SEMA3E: variants seen among roughly 807,000 people sequenced by gnomAD.
SEMA3E encodes the protein semaphorin-3E.
SEMA3E carries 49 observed loss-of-function variants against 93.6 expected under a neutral mutation model. That is an observed-to-expected ratio of 0.52 (90% CI 0.42 to 0.66). The LOEUF is 0.66. Among genes scored for constraint, SEMA3E ranks in the 30% least tolerant of loss-of-function variants. The pLI is 0.00. For missense variants in SEMA3E, 906 were observed against 964.8 expected (o/e 0.94, Z 0.81); for synonymous variants, 363 against 330.7 (o/e 1.10, Z -1.06).
chr7:83,577,633 A>G (rs1403483908), intron 1 of SEMA3E, among the ~76,000 whole-genome samples: 1 of 152,174 alleles, frequency 6.6e-6, no homozygotes, highest in African/African-American at 2.4e-5. Context: ...ACTGGATGCA[A>G]TTGATATTGA....
intron 2 of SEMA3E, among the ~76,000 whole-genome samples, chr7:83,484,486 G>A (rs548642238): frequency 2.6e-5 from 4 of 152,134 alleles, no homozygotes; most frequent in Non-Finnish European, 5.9e-5. Flanking sequence ...CAATGACCTC[G>A]TCCTTCAAAT....
chr7:83,542,016 T>G (rs569342461), intron 1 of SEMA3E, among the ~76,000 whole-genome samples: 1 of 152,150 alleles, frequency 6.6e-6, no homozygotes, highest in African/African-American at 2.4e-5. Flanking sequence ...AGGATTTAGC[T>G]CTTGAATACT....
At chr7:83,526,468 A>G (rs916812443) in intron 1 of SEMA3E, among the ~76,000 whole-genome samples, 1 of 152,128 alleles carries the variant, frequency 6.6e-6, no homozygotes, top group Non-Finnish European at 1.5e-5. Context: ...TGGGGTTCCA[A>G]CTGCTTATTA....
At position 83,385,353 on chromosome 7, in the gene SEMA3E, A is replaced by T. The variant is rs1436886948; in HGVS notation, c.1816T>A (p.Ser606Thr). ...NSTLLECTPR[S>T]LQAKVIWFVQ... ...AACCAGATAACTTTCGCTTGTAAAG[A>T]TCGTGGGGTACATTCCAGCAAAGTA... Residue 606 changes from serine (S) to threonine (T), a missense_variant, in exon 16 of 17, where the codon TCT (serine) becomes ACT (threonine). Ser to Thr is a moderately conservative substitution (Grantham distance 58). Coordinates refer to ENST00000643230, the MANE Select transcript of SEMA3E (RefSeq NM_012431.3). 1.2e-6 allele frequency: 2 copies of T among 1,613,538 alleles called. No homozygotes were observed. The highest frequency in any genetic ancestry group is 4.5e-5 in the East Asian group (2 of 44,834).
chr7:83,445,344 A>G (rs1789203714), intron 4 of SEMA3E, among the ~76,000 whole-genome samples: 1 of 151,982 alleles, frequency 6.6e-6, no homozygotes. Context: ...ACATTTTTAT[A>G]TTCTGGAAGG....
intron 1 of SEMA3E, among the ~76,000 whole-genome samples, chr7:83,590,587 A>G (rs1457405844): frequency 6.6e-6 from 1 of 152,154 alleles, no homozygotes; most frequent in African/African-American, 2.4e-5. Context: ...TTTGCTGGAC[A>G]TATGTGATGT....
At chr7:83,553,347 T>A (rs1791809075) in intron 1 of SEMA3E, among the ~76,000 whole-genome samples, 1 of 152,120 alleles carries the variant, frequency 6.6e-6, no homozygotes, top group South Asian at 2.1e-4. Flanking sequence ...ACAATTTTAG[T>A]CTCTTTCCTC....
At chr7:83,526,613 G>A (rs974522333) in intron 1 of SEMA3E, among the ~76,000 whole-genome samples, 7 of 151,996 alleles carry the variant, frequency 4.6e-5, no homozygotes, top group African/African-American at 1.7e-4. Context: ...GTGCCTTTGT[G>A]GGATTAAGAT....
intron 1 of SEMA3E, among the ~76,000 whole-genome samples, chr7:83,560,143 T>C (rs780849744): frequency 1.4e-4 from 21 of 152,138 alleles, no homozygotes; most frequent in Middle Eastern, 6.8e-3. Context: ...ACACAATGGA[T>C]ATATGTCATC....
At chr7:83,524,626 AAAAGTTATACATG>A (rs1411624176) in intron 1 of SEMA3E, among the ~76,000 whole-genome samples, 2 of 152,166 alleles carry the variant, frequency 1.3e-5, no homozygotes, top group Non-Finnish European at 2.9e-5. Context: ...ATCCCTGAAA[AAAAGTTATACATG>A]ATATAAATAT....
chr7:83,399,535 G>A (rs1027066792), intron 11 of SEMA3E, among the ~76,000 whole-genome samples: 7 of 152,128 alleles, frequency 4.6e-5, no homozygotes, highest in African/African-American at 9.7e-5. Context: ...TCCAGGACTC[G>A]CTGAGCAAAG....
At chr7:83,438,179 T>A (rs1789042410) in intron 4 of SEMA3E, among the ~76,000 whole-genome samples, 1 of 152,164 alleles carries the variant, frequency 6.6e-6, no homozygotes, top group Non-Finnish European at 1.5e-5. Context: ...AAATCACCTG[T>A]GTTTTATTTT....
At chr7:83,610,299 TG>T (rs1193694210) in intron 1 of SEMA3E, among the ~76,000 whole-genome samples, 1 of 152,114 alleles carries the variant, frequency 6.6e-6, no homozygotes, top group African/African-American at 2.4e-5. Flanking sequence ...ACTTTGAATG[TG>T]TGTGCATACT....
At chr7:83,507,732 G>A (rs1790734090) in intron 1 of SEMA3E, among the ~76,000 whole-genome samples, 1 of 151,670 alleles carries the variant, frequency 6.6e-6, no homozygotes, top group African/African-American at 2.4e-5. Flanking sequence ...GAGCCCAGGA[G>A]TTCCAGACCA....
intron 4 of SEMA3E, among the ~76,000 whole-genome samples, chr7:83,420,382 A>C (rs1788649327): frequency 6.6e-6 from 1 of 152,166 alleles, no homozygotes; most frequent in Admixed American, 6.6e-5. Flanking sequence ...ATACTGCCCA[A>C]AGCAATCTAC....
At chr7:83,505,044 A>G (rs928523097) in intron 1 of SEMA3E, among the ~76,000 whole-genome samples, 1 of 152,200 alleles carries the variant, frequency 6.6e-6, no homozygotes, top group African/African-American at 2.4e-5. Flanking sequence ...TATAAATTAT[A>G]TAGTGGTTTC....
At chr7:83,432,027 A>G (rs910113568) in intron 4 of SEMA3E, among the ~76,000 whole-genome samples, 2 of 150,014 alleles carry the variant, frequency 1.3e-5, no homozygotes, top group South Asian at 2.1e-4. Context: ...TGGAGGGGCC[A>G]TGTGTAGGTT....
chr7:83,419,630 G>C (rs2371670), intron 4 of SEMA3E, among the ~76,000 whole-genome samples: 30,002 of 152,072 alleles, frequency 0.2, 3,391 homozygotes, highest in Middle Eastern at 0.31. Context: ...TTCCTGACTG[G>C]TGTGAGATGA....
At chr7:83,431,653 C>A (rs1193228617) in intron 4 of SEMA3E, among the ~76,000 whole-genome samples, 2 of 146,712 alleles carry the variant, frequency 1.4e-5, no homozygotes, top group African/African-American at 2.5e-5. Context: ...ATCCACCCAC[C>A]TCAGCCTCCC....
Sources: allele counts gnomAD v4.1 joint callset (sites outside exome capture counted in the v4.1 genomes callset), GRCh38; gene constraint gnomAD v4.1.1; transcripts MANE v1.5; gene names NCBI Gene and HGNC (gene_info 2026-07-23, HGNC 2026-07-21).